TFEC: variants seen among roughly 807,000 people sequenced by gnomAD.
TFEC encodes the protein class E basic helix-loop-helix protein 34.
A neutral mutation model predicts 41.6 loss-of-function variants in TFEC; 31 were observed. The ratio of observed to expected loss-of-function variants is 0.74; its 90% CI spans 0.56 to 1.01. The LOEUF (loss-of-function observed/expected upper bound fraction) is 1.01, where lower values mean the gene tolerates loss of function less well. TFEC is among the 50% of genes least tolerant of loss of function. TFEC has a pLI of 0.00. For missense variants in TFEC, 402 were observed against 404.1 expected (o/e 0.99, Z 0.04); for synonymous variants, 143 against 140.6 (o/e 1.02, Z -0.12).
intron 4 of TFEC, 98 bp from the exon 5 acceptor site, chr7:115,954,740 T>G: frequency 1.1e-6 from 1 of 902,266 alleles, no homozygotes; most frequent in Non-Finnish European, 1.7e-6. Context: ...TAAAATATTA[T>G]TTGCTCCAAA....
At chr7:115,983,791 CAAA>C (rs1793731157) in intron 2 of TFEC, among the ~76,000 whole-genome samples, 1 of 151,920 alleles carries the variant, frequency 6.6e-6, no homozygotes, top group Non-Finnish European at 1.5e-5. Context: ...TATAGAAAAG[CAAA>C]AGTTAAAAGA....
chr7:116,070,870 A>G (rs1796810856), intron 3 of TFEC, among the ~76,000 whole-genome samples: 10 of 151,444 alleles, frequency 6.6e-5, no homozygotes, highest in Admixed American at 6.6e-4. Flanking sequence ...GTATTAGAAG[A>G]AATAATTCTA....
chr7:116,011,301 G>A (rs537972182), intron 1 of TFEC, among the ~76,000 whole-genome samples: 1 of 152,156 alleles, frequency 6.6e-6, no homozygotes, highest in South Asian at 2.1e-4. Flanking sequence ...TAAATAGCAC[G>A]TGGAAAAGAC....
At chr7:116,062,232 T>C (rs1584469226) in intron 3 of TFEC, among the ~76,000 whole-genome samples, 1 of 71,610 alleles carries the variant, frequency 1.4e-5, no homozygotes, top group Admixed American at 1.6e-4. Context: ...GGCCTTTTTT[T>C]TTTTTTTTTT....
chr7:116,134,524 AT>A (rs1400514559), intron 1 of TFEC, among the ~76,000 whole-genome samples: 3 of 151,954 alleles, frequency 2.0e-5, no homozygotes, highest in South Asian at 2.1e-4. Flanking sequence ...GGTCTCTGAA[AT>A]TTTTTTTATT....
chr7:116,011,956 C>T (rs754708968), intron 1 of TFEC, among the ~76,000 whole-genome samples: 3 of 152,216 alleles, frequency 2.0e-5, no homozygotes, highest in Admixed American at 6.5e-5. Context: ...GGTGCTGGCA[C>T]TATGCTTCTT....
chr7:116,001,335 A>T (rs994179483), intron 1 of TFEC, among the ~76,000 whole-genome samples: 1 of 152,088 alleles, frequency 6.6e-6, no homozygotes, highest in Non-Finnish European at 1.5e-5. Context: ...CTATGAAACT[A>T]CTGAAAAAAA....
chr7:116,081,745 A>C (rs1797095315), intron 3 of TFEC, among the ~76,000 whole-genome samples: 1 of 152,074 alleles, frequency 6.6e-6, no homozygotes, highest in Non-Finnish European at 1.5e-5. Flanking sequence ...TATTAGCCCA[A>C]TATACCAGCA....
intron 1 of TFEC, among the ~76,000 whole-genome samples, chr7:115,984,826 C>T (rs768849451): frequency 9.9e-5 from 15 of 151,782 alleles, no homozygotes; most frequent in African/African-American, 2.7e-4. Context: ...CCTAAAATAA[C>T]GTAAGGAAAA....
At chr7:115,990,872 T>C (rs1354908758) in intron 1 of TFEC, among the ~76,000 whole-genome samples, 1 of 152,040 alleles carries the variant, frequency 6.6e-6, no homozygotes, top group Non-Finnish European at 1.5e-5. Flanking sequence ...ATTCAGGAAA[T>C]GCAGAGAACG....
chr7:115,987,575 AAC>A (rs1200827147), intron 1 of TFEC, among the ~76,000 whole-genome samples: 1 of 152,126 alleles, frequency 6.6e-6, no homozygotes, highest in Non-Finnish European at 1.5e-5. Flanking sequence ...AAGGCAGATT[AAC>A]ACAGTGTCTG....
At chr7:115,985,497 C>A (rs1793811914) in intron 1 of TFEC, among the ~76,000 whole-genome samples, 1 of 152,078 alleles carries the variant, frequency 6.6e-6, no homozygotes, top group Non-Finnish European at 1.5e-5. Flanking sequence ...GTAAAGATTG[C>A]TGTACAGTGC....
At chr7:115,941,026 A>G (rs1441137414) in intron 7 of TFEC, 95 bp from the exon 8 acceptor site, 1 of 1,197,870 alleles carries the variant, frequency 8.3e-7, no homozygotes, top group African/African-American at 1.5e-5. Context: ...ATTAACAAGC[A>G]TTTAAAATGA....
intron 1 of TFEC, among the ~76,000 whole-genome samples, chr7:115,990,454 G>A (rs1009515511): frequency 1.8e-4 from 27 of 152,084 alleles, no homozygotes; most frequent in Non-Finnish European, 2.6e-4. Context: ...GAGGATGTTC[G>A]AACTCATCAC....
intron 1 of TFEC, chr7:116,117,523 G>C (rs2116171435): frequency 6.6e-6 from 1 of 151,872 alleles, no homozygotes; most frequent in South Asian, 2.1e-4. Context: ...CAATGACCGT[G>C]TCAAGCAGGA....
chr7:116,142,906 T>C (rs1216887842), intron 1 of TFEC, among the ~76,000 whole-genome samples: 1 of 152,208 alleles, frequency 6.6e-6, no homozygotes, highest in Non-Finnish European at 1.5e-5. Context: ...GAATGCCTGG[T>C]ATAAATGTAG....
chr7:116,009,758 C>T (rs772812201), intron 1 of TFEC, among the ~76,000 whole-genome samples: 1 of 152,108 alleles, frequency 6.6e-6, no homozygotes, highest in Admixed American at 6.6e-5. Flanking sequence ...TGCCTATATA[C>T]GATAGGCACT....
Position 115,938,997 on chromosome 7 carries a change from T to C in TFEC, c.*1554A>G, listed in dbSNP as rs1393547173. 1 of 151,980 alleles carries C rather than the reference T, an allele frequency of 6.6e-6. No homozygotes were observed. The highest frequency in any genetic ancestry group is 1.9e-4 in the East Asian group (1 of 5,170). The allele number at this position is 151,980 out of a possible 1,614,324, so 9.4% of individuals were successfully genotyped here. A position where few individuals can be genotyped will look rare whatever the true frequency, so the allele number is the denominator to read the frequency against. ...TCATTTGGTTGGTATTATTCCTTTA[T>C]ATGCCCTCACTTTCACTCAATTAAT... On this transcript the variant is annotated 3_prime_UTR_variant, in exon 8 of 8. Transcript: ENST00000265440.
chr7:116,071,382 T>G (rs927340764), intron 3 of TFEC, among the ~76,000 whole-genome samples: 2 of 150,908 alleles, frequency 1.3e-5, no homozygotes, highest in Non-Finnish European at 3.0e-5. Flanking sequence ...GATCAAGGTA[T>G]TAGGTTTTTA....
Sources: allele counts gnomAD v4.1 joint callset (sites outside exome capture counted in the v4.1 genomes callset), GRCh38; gene constraint gnomAD v4.1.1; transcripts MANE v1.5; gene names NCBI Gene and HGNC (gene_info 2026-07-23, HGNC 2026-07-21).